KLHDC1: variants seen among roughly 807,000 people sequenced by gnomAD.
KLHDC1 encodes kelch domain containing 1, also known as kelch domain-containing protein 1.
In KLHDC1, 53 loss-of-function variants were observed where a neutral mutation model predicts 68.3. That is an observed-to-expected ratio of 0.78 (90% CI 0.62 to 0.98). The LOEUF (loss-of-function observed/expected upper bound fraction) is 0.98. Ranked by LOEUF, KLHDC1 falls within the 50% of genes least tolerant of loss-of-function variation. The pLI is 0.00. For synonymous variants in KLHDC1, 148 were observed against 159.0 expected (o/e 0.93, Z 0.52); for missense variants, 470 against 492.3 (o/e 0.95, Z 0.43).
At chr14:49,697,634 G>T (rs1348290471) in intron 1 of KLHDC1, among the ~76,000 whole-genome samples, 1 of 152,170 alleles carries the variant, frequency 6.6e-6, no homozygotes, top group Non-Finnish European at 1.5e-5. Flanking sequence ...ACAATAAAAT[G>T]AGGTATGCCT....
At position 49,725,700 on chromosome 14, in the gene KLHDC1, C is replaced by G; in HGVS notation, c.498C>G (p.Phe166Leu). The part of the protein sequence containing the change: ...VHDASWEEQI[F>L]WGWHNDVHIF... ...TTCTCTTTTAGGAAGAGCAGATATT[C>G]TGGGGATGGCATAATGATGTCCACA... The change falls in exon 6 of 13, where the codon TTC becomes TTG. Residue 166 changes from phenylalanine (F) to leucine (L), a missense_variant. Phe to Leu is a conservative substitution (Grantham distance 22). Coordinates refer to ENST00000359332, the MANE Select transcript of KLHDC1 (RefSeq NM_172193.3). The G allele has an allele frequency of 7.1e-7, 1 of 1,401,228 alleles. No individual in the cohort carries two copies. The highest frequency in any genetic ancestry group is 9.4e-7 in the Non-Finnish European group (1 of 1,066,456). 86.8% of individuals were successfully genotyped at this position (1,401,228 alleles called of 1,614,324 possible).
rs150315654 is a variant in KLHDC1 at position 49,704,779 on chromosome 14, A to G, written c.97-4380A>G. On this transcript the variant is annotated intron_variant, in intron 1 of 12. Coordinates refer to ENST00000359332, the MANE Select transcript of KLHDC1 (RefSeq NM_172193.3). ...TCTTTTTTTTGAAAGGTGAGATGAG[A>G]CATGTTTGTATATTAATAGGAATAA... Among the ~76,000 whole-genome samples the G allele has an allele frequency of 6.3e-3, 953 of 152,196 alleles. 13 individuals carry two copies. The highest frequency in any genetic ancestry group is 0.022 in the African/African-American group (915 of 41,518).
chr14:49,693,742 C>CTTT (rs1566589138), intron 1 of KLHDC1, among the ~76,000 whole-genome samples: 2 of 60,924 alleles, frequency 3.3e-5, no homozygotes, highest in African/African-American at 1.1e-4. Flanking sequence ...ATTTTCTTTT[C>CTTT]TTTTTCTTTT....
At chr14:49,696,243 C>T (rs1047563788) in intron 1 of KLHDC1, among the ~76,000 whole-genome samples, 69 of 149,922 alleles carry the variant, frequency 4.6e-4, no homozygotes, top group African/African-American at 1.6e-3. Context: ...AAAGTCTTAG[C>T]TCACTGCAAC....
chr14:49,750,951 T>A (rs959379097), intron 12 of KLHDC1: 1 of 152,182 alleles, frequency 6.6e-6, no homozygotes, highest in African/African-American at 2.4e-5. Flanking sequence ...CCCGTGCAGT[T>A]GTTTATGGAA....
chr14:49,720,120 G>A (rs1188995007), intron 4 of KLHDC1, among the ~76,000 whole-genome samples: 2 of 152,096 alleles, frequency 1.3e-5, no homozygotes, highest in African/African-American at 4.8e-5. Flanking sequence ...CTGTGTAGCT[G>A]GGATTACAGG....
At chr14:49,709,100 CTGTG>C (rs894097376) in intron 1 of KLHDC1, 55 bp from the exon 2 acceptor site, 7 of 713,040 alleles carry the variant, frequency 9.8e-6, no homozygotes, top group Non-Finnish European at 1.7e-5. Flanking sequence ...TCCTGAGAAG[CTGTG>C]TAACTGTTTG....
chr14:49,709,039 T>G, intron 1 of KLHDC1, 120 bp from the exon 2 acceptor site: 1 of 540,016 alleles, frequency 1.9e-6, no homozygotes. Context: ...TTGAAAAAGA[T>G]CCTTGAGCCT....
At chr14:49,750,223 G>T (rs964539284) in intron 12 of KLHDC1, among the ~76,000 whole-genome samples, 4 of 152,234 alleles carry the variant, frequency 2.6e-5, no homozygotes, top group Non-Finnish European at 5.9e-5. Context: ...CTCACCTCTG[G>T]CCATGCCCCA....
intron 6 of KLHDC1, among the ~76,000 whole-genome samples, chr14:49,727,571 T>C (rs1026401881): frequency 6.6e-6 from 1 of 152,210 alleles, no homozygotes; most frequent in African/African-American, 2.4e-5. Flanking sequence ...TTGGCCATTC[T>C]CTGGATTCTC....
chr14:49,717,870 TC>T (rs1359614721), intron 4 of KLHDC1, among the ~76,000 whole-genome samples: 1 of 152,122 alleles, frequency 6.6e-6, no homozygotes, highest in Non-Finnish European at 1.5e-5. Flanking sequence ...TTCTATTTTT[TC>T]TTGAGATATA....
At position 49,717,100 on chromosome 14, in the gene KLHDC1, T is replaced by G. The variant is rs559531952; in HGVS notation, c.404+6719T>G. 3.9e-5 allele frequency among the ~76,000 whole-genome samples: 6 copies of G among 152,372 alleles called. No homozygotes were observed. In the East Asian group the frequency reaches 1.2e-3, roughly 29 times the overall value. On this transcript the variant is annotated intron_variant, in intron 4 of 12. Transcript: ENST00000359332. ...ACTGTATGTATATACCGCATGTTGG[T>G]TAGCCATTTATATGTTGGTAGATGC... is the stretch of plus-strand genomic sequence containing the variant.
At position 49,743,826 on chromosome 14, in the gene KLHDC1, C is replaced by T. The variant is rs776117584; in HGVS notation, c.1034+21C>T. 10 of 1,366,050 alleles carry T rather than the reference C, an allele frequency of 7.3e-6. No individual in the cohort carries two copies. The East Asian group carries it at 2.3e-4, about 32-fold the overall frequency. 84.6% of individuals were successfully genotyped at this position (1,366,050 alleles called of 1,614,324 possible). On this transcript the variant is annotated intron_variant, in intron 12 of 12. Transcript: ENST00000359332. ...CTCAGGTAAGCAAATTTAATATTTTCTATATATTTGCTATGAGTATATGAT... is the reference window on the plus strand; with the variant it reads ...CTCAGGTAAGCAAATTTAATATTTTTTATATATTTGCTATGAGTATATGAT...
intron 1 of KLHDC1, among the ~76,000 whole-genome samples, chr14:49,702,249 A>AT (rs1333476716): frequency 6.6e-6 from 1 of 152,156 alleles, no homozygotes; most frequent in Non-Finnish European, 1.5e-5. Flanking sequence ...AAATACAAAT[A>AT]TACAAACAAA....
chr14:49,710,206 GAT>G (rs1888162084), intron 3 of KLHDC1, 55 bp from the exon 4 acceptor site: 1 of 916,178 alleles, frequency 1.1e-6, no homozygotes, highest in African/African-American at 1.6e-5. Context: ...CATTCCCTCT[GAT>G]ATAGATTTAA....
chr14:49,709,123 C>A, intron 1 of KLHDC1, 36 bp from the exon 2 acceptor site: 1 of 900,162 alleles, frequency 1.1e-6, no homozygotes, highest in Non-Finnish European at 1.8e-6. Context: ...TGCTGTGTAA[C>A]TGATAAACAT....
At chr14:49,711,604 CT>C (rs1262005542) in intron 4 of KLHDC1, among the ~76,000 whole-genome samples, 1 of 152,180 alleles carries the variant, frequency 6.6e-6, no homozygotes, top group Non-Finnish European at 1.5e-5. Flanking sequence ...TCCCAAAGTG[CT>C]GGGATTACAT....
Position 49,726,298 on chromosome 14 carries a change from T to G in KLHDC1, c.567+529T>G, listed in dbSNP as rs186859782. Among the ~76,000 whole-genome samples the G allele has an allele frequency of 2.2e-4, 33 of 152,318 alleles. No individual in the cohort carries two copies. The East Asian group carries it at 5.6e-3, about 26-fold the overall frequency. On this transcript the variant is annotated intron_variant, in intron 6 of 12. Coordinates refer to ENST00000359332, the MANE Select transcript of KLHDC1 (RefSeq NM_172193.3). ...CAGGAGGCTGAGGCAGGAGGATCAC[T>G]TGAGTCCAGGAGTTTGAGGCTGTAG...
intron 4 of KLHDC1, among the ~76,000 whole-genome samples, chr14:49,715,755 A>ATATATATATATATATATATAT: frequency 7.9e-6 from 1 of 127,230 alleles, no homozygotes; most frequent in African/African-American, 3.0e-5. Context: ...AAAAAAAAAA[A>ATATATATATATATATATATAT]AAAAAAAAAA....
Sources: gnomAD v4.1 joint callset for allele counts (sites outside exome capture counted in the v4.1 genomes callset) on GRCh38, gnomAD v4.1.1 for gene constraint, MANE v1.5 for transcripts, NCBI Gene and HGNC (gene_info 2026-07-23, HGNC 2026-07-21) for gene names.